GRIP1: variants seen among roughly 807,000 people sequenced by gnomAD.
GRIP1 encodes glutamate receptor-interacting protein 1.
GRIP1 carries 45 observed loss-of-function variants against 129.9 expected under a neutral mutation model. The ratio of observed to expected loss-of-function variants is 0.35; its 90% CI spans 0.27 to 0.44. The LOEUF (loss-of-function observed/expected upper bound fraction) is 0.44, where lower values mean the gene tolerates loss of function less well. GRIP1 is among the 20% of genes least tolerant of loss of function. The pLI, the probability that GRIP1 is intolerant of heterozygous loss-of-function variation, is 1.00. For synonymous variants in GRIP1, 530 were observed against 520.8 expected, an observed-to-expected ratio of 1.02 and a Z score of -0.24; for missense variants, 1,196 against 1,396.8, an observed-to-expected ratio of 0.86 and a Z score of 2.29.
intron 1 of GRIP1, among the ~76,000 whole-genome samples, chr12:66,674,350 C>A (rs2034225607): frequency 6.6e-6 from 1 of 152,198 alleles, no homozygotes; most frequent in African/African-American, 2.4e-5. Context: ...AACACTGATA[C>A]TGAACTCTGT....
chr12:66,554,939 C>T (rs1464397526), intron 2 of GRIP1, among the ~76,000 whole-genome samples: 2 of 152,178 alleles, frequency 1.3e-5, no homozygotes, highest in Admixed American at 6.5e-5. Flanking sequence ...TGAATGCCAT[C>T]TCTGAACCCA....
chr12:66,591,122 T>TA (rs141809639), intron 2 of GRIP1, among the ~76,000 whole-genome samples: 1,890 of 151,986 alleles, frequency 0.012, 36 homozygotes, highest in African/African-American at 0.042. Flanking sequence ...GACTGAGAAA[T>TA]AAAAAAATAA....
intron 1 of GRIP1, among the ~76,000 whole-genome samples, chr12:66,841,013 G>A (rs570829457): frequency 6.6e-6 from 1 of 152,044 alleles, no homozygotes; most frequent in Non-Finnish European, 1.5e-5. Context: ...TTAGTATAAG[G>A]TTATTTCAAA....
At chr12:66,596,140 TA>T (rs1260252317) in intron 2 of GRIP1, among the ~76,000 whole-genome samples, 1 of 152,220 alleles carries the variant, frequency 6.6e-6, no homozygotes, top group Non-Finnish European at 1.5e-5. Flanking sequence ...ATTGCTTCCA[TA>T]AGGAATTTTT....
intron 1 of GRIP1, among the ~76,000 whole-genome samples, chr12:66,998,653 C>G (rs2042504929): frequency 6.6e-6 from 1 of 152,130 alleles, no homozygotes; most frequent in Admixed American, 6.6e-5. Flanking sequence ...TCTCATTCTT[C>G]AAAGAGAAAA....
At chr12:66,821,941 G>T (rs1179898494) in intron 1 of GRIP1, among the ~76,000 whole-genome samples, 2 of 152,076 alleles carry the variant, frequency 1.3e-5, no homozygotes, top group Non-Finnish European at 2.9e-5. Context: ...GCTCCTAGAT[G>T]ATGAGCATAC....
chr12:66,476,375 T>C (rs1418671960), intron 7 of GRIP1, among the ~76,000 whole-genome samples: 1 of 152,140 alleles, frequency 6.6e-6, no homozygotes, highest in Non-Finnish European at 1.5e-5. Flanking sequence ...CAATAATTAA[T>C]AGCTTACCAA....
At chr12:66,438,811 T>C (rs569675591) in intron 13 of GRIP1, among the ~76,000 whole-genome samples, 14 of 152,282 alleles carry the variant, frequency 9.2e-5, no homozygotes, top group African/African-American at 3.1e-4. Flanking sequence ...CACTGAGTAC[T>C]GACCAAATGA....
intron 1 of GRIP1, among the ~76,000 whole-genome samples, chr12:66,966,262 CAT>C (rs1203994115): frequency 2.6e-5 from 4 of 152,192 alleles, no homozygotes; most frequent in South Asian, 2.1e-4. Context: ...CAAATGAACA[CAT>C]GAGTAGGTAT....
chr12:66,595,275 A>G (rs530446863), intron 2 of GRIP1, among the ~76,000 whole-genome samples: 1 of 152,348 alleles, frequency 6.6e-6, no homozygotes, highest in Admixed American at 6.5e-5. Context: ...CAAACCAGGG[A>G]TTATGATGAA....
At chr12:66,500,110 AAGC>A (rs1376727917) in intron 7 of GRIP1, among the ~76,000 whole-genome samples, 1 of 152,196 alleles carries the variant, frequency 6.6e-6, no homozygotes, top group Non-Finnish European at 1.5e-5. Flanking sequence ...ACAACAATAA[AAGC>A]AGATTTCAAA....
At chr12:66,653,585 G>C (rs75765923) in intron 1 of GRIP1, among the ~76,000 whole-genome samples, 2 of 152,162 alleles carry the variant, frequency 1.3e-5, no homozygotes, top group Non-Finnish European at 2.9e-5. Flanking sequence ...TTATGTCACT[G>C]TGGGAGGATA....
At chr12:66,802,310 A>C (rs1438741898) in intron 1 of GRIP1, among the ~76,000 whole-genome samples, 2 of 152,158 alleles carry the variant, frequency 1.3e-5, no homozygotes, top group African/African-American at 4.8e-5. Context: ...AAATCACAGG[A>C]AAAACATGTC....
chr12:66,894,547 T>C (rs2040714629), intron 1 of GRIP1, among the ~76,000 whole-genome samples: 1 of 152,094 alleles, frequency 6.6e-6, no homozygotes, highest in African/African-American at 2.4e-5. Flanking sequence ...AAAGCCAGGG[T>C]CTTCTGTATC....
At chr12:66,723,210 C>CT (rs150227863) in intron 1 of GRIP1, among the ~76,000 whole-genome samples, 510 of 49,688 alleles carry the variant, frequency 0.01, 5 homozygotes, top group African/African-American at 0.054. Flanking sequence ...TCTTTTCTTT[C>CT]TTTCTTTCTT....
intron 1 of GRIP1, among the ~76,000 whole-genome samples, chr12:66,688,284 C>G (rs1426886790): frequency 2.0e-5 from 3 of 152,138 alleles, no homozygotes; most frequent in African/African-American, 7.2e-5. Context: ...TCTAAAATTC[C>G]TTACAGTTCT....
At chr12:66,531,798 T>A (rs2061471210) in intron 4 of GRIP1, among the ~76,000 whole-genome samples, 1 of 152,216 alleles carries the variant, frequency 6.6e-6, no homozygotes, top group African/African-American at 2.4e-5. Context: ...GAAAATGATT[T>A]TTTTTTTGTT....
At chr12:66,939,652 G>C (rs969155062) in intron 1 of GRIP1, among the ~76,000 whole-genome samples, 1 of 151,962 alleles carries the variant, frequency 6.6e-6, no homozygotes, top group Non-Finnish European at 1.5e-5. Context: ...AGCTACAAAA[G>C]AGTCATGCCA....
intron 1 of GRIP1, among the ~76,000 whole-genome samples, chr12:66,987,996 A>G (rs1470493302): frequency 1.3e-5 from 2 of 152,170 alleles, no homozygotes; most frequent in African/African-American, 4.8e-5. Flanking sequence ...ACCTAAGGTC[A>G]AGTCATTTAG....
Sources: gnomAD v4.1 joint callset for allele counts (sites outside exome capture counted in the v4.1 genomes callset) on GRCh38, gnomAD v4.1.1 for gene constraint, MANE v1.5 for transcripts, NCBI Gene and HGNC (gene_info 2026-07-23, HGNC 2026-07-21) for gene names.